The following PCDHGB3 variants were observed in gnomAD, a reference collection of about 807,000 sequenced individuals.
PCDHGB3 encodes protocadherin gamma subfamily B, 3.
A neutral mutation model predicts 59.2 loss-of-function variants in PCDHGB3; 40 were observed. The observed-to-expected ratio is 0.68, with a 90% CI of 0.52 to 0.88. The LOEUF (loss-of-function observed/expected upper bound fraction) is 0.88. Ranked by LOEUF, PCDHGB3 falls within the 40% of genes least tolerant of loss-of-function variation. The pLI is 0.00. For synonymous variants in PCDHGB3, 581 were observed against 503.6 expected (o/e 1.15, Z -2.06); for missense variants, 1,309 against 1,187.9 (o/e 1.10, Z -1.50).
chr5:141,393,110 C>T, intron 1 of PCDHGB3: 10 of 1,613,496 alleles, frequency 6.2e-6, no homozygotes, highest in Non-Finnish European at 8.5e-6. Flanking sequence ...GCGCTCAGAG[C>T]CCGCGGTGTC....
chr5:141,422,543 T>C lies in PCDHGB3; in HGVS notation c.2415+49734T>C, dbSNP rs2096655736. 1 of 1,613,882 alleles carries C rather than the reference T, an allele frequency of 6.2e-7. No homozygotes were observed. Among genetic ancestry groups the C allele is most frequent in the African/African-American group, 1.3e-5 (1 of 74,928 alleles). Reference sequence around the variant, plus strand: ...CCGCCTTTGTCTGCAGAAACTCATGTCTGGCTGAATGTGGCAGATGACAAC... The same window carrying C: ...CCGCCTTTGTCTGCAGAAACTCATGCCTGGCTGAATGTGGCAGATGACAAC... On this transcript the variant is annotated intron_variant, in intron 1 of 3. Coordinates refer to ENST00000576222, the MANE Select transcript of PCDHGB3 (RefSeq NM_018924.5).
Position 141,491,968 on chromosome 5 carries a change from G to GC in PCDHGB3, c.2416-2837dup. On this transcript the variant is annotated intron_variant, in intron 1 of 3. Coordinates refer to ENST00000576222, the MANE Select transcript of PCDHGB3 (RefSeq NM_018924.5). The surrounding 1 kb of genome is among the most constrained non-coding windows in gnomAD (Gnocchi z 6.9). ...ACCCCTACACTCAAAAAAGGCCGGG[G>GC]CCTCCTTCGAGCTTCCGGTGAATTT... 1.1e-6 allele frequency: 1 copy of GC among 923,644 alleles called. No homozygotes were observed. Among genetic ancestry groups the GC allele is most frequent in the Admixed American group, 3.6e-5 (1 of 27,548 alleles). 57.2% of individuals were successfully genotyped at this position (923,644 alleles called of 1,614,324 possible).
At chr5:141,496,698 C>T (rs2099770595) in intron 2 of PCDHGB3, among the ~76,000 whole-genome samples, 1 of 152,196 alleles carries the variant, frequency 6.6e-6, no homozygotes, top group Non-Finnish European at 1.5e-5. Context: ...CCAACCTTCT[C>T]ATAAGTTATC....
At chr5:141,480,591 T>G (rs557048485) in intron 1 of PCDHGB3, among the ~76,000 whole-genome samples, 1 of 138,080 alleles carries the variant, frequency 7.2e-6, no homozygotes, top group South Asian at 2.2e-4. Flanking sequence ...GCCGCTCTTC[T>G]GGTCAGCCTG....
At position 141,393,612 on chromosome 5, in the gene PCDHGB3, A is replaced by G. The variant is rs1171689277; in HGVS notation, c.2415+20803A>G. Reference sequence around the variant, plus strand: ...CACGCGGCTGCTTACTGTAACAGCCAGCGACCCGGATGAGGGAATCAACGG... The same window carrying G: ...CACGCGGCTGCTTACTGTAACAGCCGGCGACCCGGATGAGGGAATCAACGG... On this transcript the variant is annotated intron_variant, in intron 1 of 3. Coordinates refer to ENST00000576222, the MANE Select transcript of PCDHGB3 (RefSeq NM_018924.5). 6.2e-7 allele frequency: 1 copy of G among 1,613,840 alleles called. No homozygotes were observed. Among genetic ancestry groups the G allele is most frequent in the Non-Finnish European group, 8.5e-7 (1 of 1,179,908 alleles).
At chr5:141,420,457 T>A in intron 1 of PCDHGB3, 1 of 927,890 alleles carries the variant, frequency 1.1e-6, no homozygotes. Flanking sequence ...TTCCTACTAT[T>A]CAAAGACATT....
At position 141,489,180 on chromosome 5, in the gene PCDHGB3, C is replaced by G. The variant is rs942218118; in HGVS notation, c.2416-5627C>G. On this transcript the variant is annotated intron_variant, in intron 1 of 3. Transcript: ENST00000576222. This position sits in a 1 kb window ranked among gnomAD's most constrained non-coding sequence, Gnocchi z 4.5. ...GACTTCAGCTGCTGCATTCCAAGCC[C>G]TGGGTCTACCTTGGAGACAGGACAG... The G allele has an allele frequency of 1.8e-5, 23 of 1,259,630 alleles. No homozygotes were observed. In the South Asian group the frequency reaches 3.0e-4, roughly 17 times the overall value. The allele number at this position is 1,259,630 out of a possible 1,614,324, so 78.0% of individuals were successfully genotyped here.
At chr5:141,403,452 T>C (rs1482278011) in intron 1 of PCDHGB3, 15 of 1,613,988 alleles carry the variant, frequency 9.3e-6, no homozygotes, top group Non-Finnish European at 1.3e-5. Flanking sequence ...GTGAACTCCC[T>C]CCAGAGCTAC....
At chr5:141,433,257 G>A (rs764036349) in intron 1 of PCDHGB3, 4 of 1,385,412 alleles carry the variant, frequency 2.9e-6, no homozygotes, top group Non-Finnish European at 4.0e-6. Context: ...GCAGCGGTAC[G>A]ATCATAGCTC....
intron 1 of PCDHGB3, chr5:141,385,286 A>G: frequency 3.1e-6 from 5 of 1,613,826 alleles, no homozygotes; most frequent in Non-Finnish European, 4.2e-6. Flanking sequence ...ACATCCGTAG[A>G]TTTTCAGGAA....
intron 1 of PCDHGB3, chr5:141,400,255 C>T: frequency 6.2e-7 from 1 of 1,614,046 alleles, no homozygotes; most frequent in Non-Finnish European, 8.5e-7. Flanking sequence ...CGTTGCCTTG[C>T]GCCTGCGACG....
At position 141,371,721 on chromosome 5, in the gene PCDHGB3, C is replaced by A; in HGVS notation, c.1327C>A (p.Leu443Ile). Residue 443 changes from leucine to isoleucine, a missense_variant, in exon 1 of 4, where the codon CTT becomes ATT. Coordinates refer to ENST00000576222, the MANE Select transcript of PCDHGB3 (RefSeq NM_018924.5). ...CAGCAAGACCATCACTCTGCACATC[C>A]TTGATGTCAACGACAACGTTCCCGT... ...SSSKTITLHILDVNDNVPVFH... is the reference protein window; with the variant it reads ...SSSKTITLHIIDVNDNVPVFH... 6.2e-7 allele frequency: 1 copy of A among 1,614,084 alleles called. No individual in the cohort carries two copies. Among genetic ancestry groups the A allele is most frequent in the Non-Finnish European group, 8.5e-7 (1 of 1,179,914 alleles).
At chr5:141,386,663 G>A (rs532080624) in intron 1 of PCDHGB3, among the ~76,000 whole-genome samples, 7 of 151,932 alleles carry the variant, frequency 4.6e-5, no homozygotes, top group Non-Finnish European at 1.0e-4. Flanking sequence ...GTTCTGCAGT[G>A]TTCACATTTC....
At chr5:141,504,738 C>G (rs2099840693) in intron 2 of PCDHGB3, among the ~76,000 whole-genome samples, 1 of 151,874 alleles carries the variant, frequency 6.6e-6, no homozygotes, top group Non-Finnish European at 1.5e-5. Flanking sequence ...GCTTAGGAAG[C>G]CATTGAATTT....
Position 141,372,497 on chromosome 5 carries a change from G to T in PCDHGB3, c.2103G>T (p.Val701=). 1.2e-6 allele frequency: 2 copies of T among 1,614,032 alleles called. No homozygotes were observed. The highest frequency in any genetic ancestry group is 1.7e-6 in the Non-Finnish European group (2 of 1,179,898). ...TAGTGGCGTTGGCCTTGATCTCAGT[G>T]CTCTTCCTCCTCGCGGTGATTCTGG... ...HLVVALALIS[V]LFLLAVILAI... is the part of the protein sequence containing the mutation. The change falls in exon 1 of 4, where the codon GTG becomes GTT. Residue 701 remains valine, a synonymous_variant. Coordinates refer to ENST00000576222, the MANE Select transcript of PCDHGB3 (RefSeq NM_018924.5).
intron 1 of PCDHGB3, chr5:141,428,659 G>A: frequency 6.1e-6 from 1 of 164,982 alleles, no homozygotes; most frequent in East Asian, 1.8e-4. Context: ...GAGTTCCAAT[G>A]AATGTCTTTC....
chr5:141,484,375 G>C (rs188702244), intron 1 of PCDHGB3, among the ~76,000 whole-genome samples: 2 of 152,258 alleles, frequency 1.3e-5, no homozygotes, highest in African/African-American at 4.8e-5. Flanking sequence ...ACTAGCAAAT[G>C]TCTGAATAAG....
chr5:141,484,897 A>G (rs2099602925), intron 1 of PCDHGB3: 2 of 392,698 alleles, frequency 5.1e-6, no homozygotes, highest in Middle Eastern at 7.1e-4. Flanking sequence ...TTTCCCCTCC[A>G]ATGCTGCGAC....
chr5:141,419,618 C>T (rs746617593), intron 1 of PCDHGB3: 3 of 1,612,326 alleles, frequency 1.9e-6, no homozygotes, highest in South Asian at 1.1e-5. Flanking sequence ...GCCAGGCTAC[C>T]TGGTGACCAA....
Sources: gnomAD v4.1 joint callset for allele counts (sites outside exome capture counted in the v4.1 genomes callset) on GRCh38, gnomAD v4.1.1 for gene constraint, Gnocchi (gnomAD v3.1) non-coding constraint, MANE v1.5 for transcripts, NCBI Gene and HGNC (gene_info 2026-07-23, HGNC 2026-07-21) for gene names.